The following WWOX variants were observed in gnomAD, a reference collection of about 807,000 sequenced individuals.
WWOX encodes the protein WW domain-containing oxidoreductase.
In WWOX, 69 loss-of-function variants were observed where a neutral mutation model predicts 46.2. The observed-to-expected ratio is 1.49, with a 90% CI of 1.23 to 1.82. The LOEUF is 1.82. WWOX is among the 40% of genes most tolerant of loss of function. The pLI, the probability that WWOX is intolerant of heterozygous loss-of-function variation, is 0.00. For synonymous variants in WWOX, 359 were observed against 202.6 expected (o/e 1.77, Z -6.56); for missense variants, 919 against 542.6 (o/e 1.69, Z -6.89).
intron 8 of WWOX, among the ~76,000 whole-genome samples, chr16:78,816,449 C>A (rs1464311356): frequency 2.1e-5 from 3 of 144,264 alleles, no homozygotes; most frequent in East Asian, 2.1e-4. Context: ...TTTAAAAGAG[C>A]TTACTCAAAA....
intron 8 of WWOX, among the ~76,000 whole-genome samples, chr16:79,095,823 G>A (rs897644188): frequency 4.0e-5 from 6 of 148,818 alleles, no homozygotes; most frequent in Admixed American, 1.3e-4. Flanking sequence ...GGTTGCCCTC[G>A]CCTCCCGCCT....
chr16:78,408,323 A>T (rs533009938), intron 6 of WWOX, among the ~76,000 whole-genome samples: 23 of 152,288 alleles, frequency 1.5e-4, no homozygotes, highest in Middle Eastern at 6.8e-3. Context: ...GCATGCTCAC[A>T]AAGTAATTAG....
chr16:78,624,917 C>G (rs988966378), intron 8 of WWOX, among the ~76,000 whole-genome samples: 5 of 152,154 alleles, frequency 3.3e-5, no homozygotes, highest in African/African-American at 9.7e-5. Flanking sequence ...TCTGTACACA[C>G]AAAACCCTGT....
intron 8 of WWOX, among the ~76,000 whole-genome samples, chr16:78,786,000 GGGTTCAAGC>G (rs1397108236): frequency 6.6e-6 from 1 of 152,162 alleles, no homozygotes; most frequent in Non-Finnish European, 1.5e-5. Flanking sequence ...TCCGCCTCCT[GGGTTCAAGC>G]GATTCTCATG....
intron 8 of WWOX, among the ~76,000 whole-genome samples, chr16:79,172,641 C>T (rs1457324822): frequency 6.6e-6 from 1 of 152,122 alleles, no homozygotes; most frequent in Admixed American, 6.6e-5. Flanking sequence ...CTACCAATGG[C>T]AAAGACAAAC....
intron 8 of WWOX, among the ~76,000 whole-genome samples, chr16:78,715,165 A>G (rs2048531962): frequency 6.6e-6 from 1 of 152,196 alleles, no homozygotes; most frequent in African/African-American, 2.4e-5. Flanking sequence ...GGAAACACAG[A>G]GATCAGTTAG....
chr16:78,434,675 G>C (rs2083297683), intron 8 of WWOX, among the ~76,000 whole-genome samples: 1 of 152,182 alleles, frequency 6.6e-6, no homozygotes, highest in Admixed American at 6.5e-5. Context: ...AGTGGCATCA[G>C]AGAGTTCGTT....
chr16:78,717,657 A>T (rs1192450176), intron 8 of WWOX, among the ~76,000 whole-genome samples: 3 of 152,202 alleles, frequency 2.0e-5, no homozygotes, highest in Admixed American at 1.3e-4. Context: ...ATGGAATGAA[A>T]GAGGGGTTTT....
chr16:79,159,683 C>T (rs2050447502), intron 8 of WWOX, among the ~76,000 whole-genome samples: 1 of 152,162 alleles, frequency 6.6e-6, no homozygotes, highest in South Asian at 2.1e-4. Flanking sequence ...AGCCACTGAG[C>T]AGAACAGGGG....
At chr16:78,626,285 C>G (rs1597366742) in intron 8 of WWOX, among the ~76,000 whole-genome samples, 1 of 152,106 alleles carries the variant, frequency 6.6e-6, no homozygotes, top group East Asian at 1.9e-4. Flanking sequence ...CATGCGCCAC[C>G]ACGCTCAGCT....
intron 8 of WWOX, among the ~76,000 whole-genome samples, chr16:78,810,238 A>G (rs759103317): frequency 2.0e-5 from 3 of 152,202 alleles, no homozygotes; most frequent in Non-Finnish European, 4.4e-5. Context: ...TTCTATCAGA[A>G]CACAGTCTTA....
chr16:78,854,200 C>A (rs1305688618), intron 8 of WWOX, among the ~76,000 whole-genome samples: 1 of 152,124 alleles, frequency 6.6e-6, no homozygotes, highest in African/African-American at 2.4e-5. Context: ...TCTTTCTACT[C>A]TAACTACTCA....
chr16:78,757,113 C>T, intron 8 of WWOX: 1 of 687,238 alleles, frequency 1.5e-6, no homozygotes. Context: ...TTATTTGAGC[C>T]CCTATCTAGA....
At chr16:78,877,753 C>A (rs979730854) in intron 8 of WWOX, among the ~76,000 whole-genome samples, 1 of 152,108 alleles carries the variant, frequency 6.6e-6, no homozygotes, top group African/African-American at 2.4e-5. Flanking sequence ...AGGCTTAGCA[C>A]GTGGAAGACA....
At chr16:78,702,120 A>ATATATT (rs1207718237) in intron 8 of WWOX, among the ~76,000 whole-genome samples, 5 of 130,040 alleles carry the variant, frequency 3.8e-5, no homozygotes, top group African/African-American at 6.6e-5. Context: ...ATATATATAT[A>ATATATT]TATTTATTTA....
intron 7 of WWOX, among the ~76,000 whole-genome samples, chr16:78,429,154 TCA>T (rs2083157614): frequency 6.6e-6 from 1 of 152,192 alleles, no homozygotes; most frequent in South Asian, 2.1e-4. Context: ...TTCCAAGAAT[TCA>T]CAGTCTAGTT....
intron 8 of WWOX, among the ~76,000 whole-genome samples, chr16:79,098,784 C>T (rs769893255): frequency 6.6e-6 from 1 of 152,204 alleles, no homozygotes; most frequent in African/African-American, 2.4e-5. Context: ...AAATGGTCTT[C>T]ATTTCTGCAA....
At chr16:78,270,656 G>T (rs1005010142) in intron 5 of WWOX, 1 of 152,144 alleles carries the variant, frequency 6.6e-6, no homozygotes, top group Non-Finnish European at 1.5e-5. Flanking sequence ...TCAAAACTTG[G>T]TAGCTAACTC....
intron 8 of WWOX, among the ~76,000 whole-genome samples, chr16:78,754,556 T>G (rs540875027): frequency 3.3e-4 from 51 of 152,252 alleles, no homozygotes; most frequent in African/African-American, 1.2e-3. Flanking sequence ...TAAATGGTAT[T>G]TATTAAATAA....
Sources: gnomAD v4.1 joint callset for allele counts (sites outside exome capture counted in the v4.1 genomes callset) on GRCh38, gnomAD v4.1.1 for gene constraint, MANE v1.5 for transcripts, NCBI Gene and HGNC (gene_info 2026-07-23, HGNC 2026-07-21) for gene names.